MACROD2: variants seen among roughly 807,000 people sequenced by gnomAD.
MACROD2 encodes ADP-ribose glycohydrolase MACROD2.
In MACROD2, 36 loss-of-function variants were observed where a neutral mutation model predicts 70.4. The ratio of observed to expected loss-of-function variants is 0.51; its 90% CI spans 0.39 to 0.68. The LOEUF is 0.68. Among genes scored for constraint, MACROD2 ranks in the 30% least tolerant of loss-of-function variants. The pLI, the probability that MACROD2 is intolerant of heterozygous loss-of-function variation, is 0.00. For synonymous variants in MACROD2, 172 were observed against 178.8 expected (o/e 0.96, Z 0.30); for missense variants, 496 against 538.4 (o/e 0.92, Z 0.78).
At chr20:15,192,712 A>G (rs1270194918) in intron 5 of MACROD2, among the ~76,000 whole-genome samples, 1 of 152,188 alleles carries the variant, frequency 6.6e-6, no homozygotes, top group Non-Finnish European at 1.5e-5. Flanking sequence ...ATGTTGTTCC[A>G]CAGTAGATCA....
chr20:14,932,608 T>C (rs2074305812), intron 5 of MACROD2, among the ~76,000 whole-genome samples: 1 of 152,134 alleles, frequency 6.6e-6, no homozygotes, highest in Non-Finnish European at 1.5e-5. Context: ...ATCTGTTGCC[T>C]AGGCTGGAGT....
chr20:16,034,406 G>A (rs1036598153), intron 15 of MACROD2, among the ~76,000 whole-genome samples: 1 of 151,942 alleles, frequency 6.6e-6, no homozygotes, highest in Admixed American at 6.6e-5. Flanking sequence ...CAGTGAACTG[G>A]GAAGTCTAGG....
chr20:15,748,879 G>C (rs1032080309), intron 8 of MACROD2, among the ~76,000 whole-genome samples: 2 of 152,092 alleles, frequency 1.3e-5, no homozygotes, highest in African/African-American at 4.8e-5. Flanking sequence ...AGTAAGAAGA[G>C]CAGGCTTTAA....
intron 5 of MACROD2, among the ~76,000 whole-genome samples, chr20:14,801,398 T>C (rs931406093): frequency 6.6e-6 from 1 of 152,184 alleles, no homozygotes; most frequent in Non-Finnish European, 1.5e-5. Context: ...GCAGATTTTG[T>C]ATATTCATTT....
intron 5 of MACROD2, among the ~76,000 whole-genome samples, chr20:14,828,121 T>C (rs2072923290): frequency 2.0e-5 from 3 of 152,120 alleles, no homozygotes; most frequent in Admixed American, 2.0e-4. Flanking sequence ...CTTTCAGAAT[T>C]TTTTATATTC....
In MACROD2 at chr20:14,841,842, G is replaced by T. The variant is rs147081486; in HGVS notation, c.418+156883G>T. 1.2e-3 allele frequency among the ~76,000 whole-genome samples: 186 copies of T among 152,076 alleles called. 3 individuals carry two copies. Among genetic ancestry groups the T allele is most frequent in the East Asian group, 8.1e-3 (42 of 5,174 alleles). On this transcript the variant is annotated intron_variant, in intron 5 of 17. Transcript: ENST00000684519. ...CTTGGTATTACTTATACTAAGATTG[G>T]TTTTAAGACTTTTATTTTGGGTACT...
chr20:14,090,661 T>G (rs1275211828), intron 3 of MACROD2, among the ~76,000 whole-genome samples: 2 of 152,178 alleles, frequency 1.3e-5, no homozygotes, highest in African/African-American at 2.4e-5. Flanking sequence ...TCTCTAAGGT[T>G]TTATCATTTT....
intron 10 of MACROD2, chr20:15,892,931 G>T (rs1309123092): frequency 2.8e-5 from 11 of 398,678 alleles, no homozygotes; most frequent in Non-Finnish European, 4.4e-5. Flanking sequence ...TTCCAGAGGG[G>T]TTAGAGCCAA....
At chr20:15,462,514 A>G (rs936084512) in intron 7 of MACROD2, among the ~76,000 whole-genome samples, 3 of 152,242 alleles carry the variant, frequency 2.0e-5, no homozygotes, top group African/African-American at 7.2e-5. Flanking sequence ...TCTTGCTTTT[A>G]TAATTCTAAA....
intron 6 of MACROD2, among the ~76,000 whole-genome samples, chr20:15,239,994 G>A (rs758300295): frequency 3.3e-5 from 5 of 152,206 alleles, no homozygotes; most frequent in African/African-American, 7.2e-5. Flanking sequence ...GGGCCTGGCC[G>A]GTATCTCATC....
chr20:15,411,622 T>C (rs371567396), intron 6 of MACROD2, among the ~76,000 whole-genome samples: 4 of 152,352 alleles, frequency 2.6e-5, no homozygotes, highest in African/African-American at 4.8e-5. Flanking sequence ...AAGATTGGTA[T>C]TGGAATTGTC....
At chr20:15,909,965 A>G (rs1172608585) in intron 10 of MACROD2, among the ~76,000 whole-genome samples, 1 of 152,172 alleles carries the variant, frequency 6.6e-6, no homozygotes, top group African/African-American at 2.4e-5. Context: ...GGGGCTCAGG[A>G]TTTCTGAGTG....
intron 4 of MACROD2, among the ~76,000 whole-genome samples, chr20:14,630,442 G>C (rs919323573): frequency 6.6e-6 from 1 of 152,188 alleles, no homozygotes; most frequent in Admixed American, 6.5e-5. Flanking sequence ...TAAGAAGTAG[G>C]CCTCAGAGAC....
At chr20:15,824,848 G>A (rs1234303927) in intron 8 of MACROD2, among the ~76,000 whole-genome samples, 2 of 152,184 alleles carry the variant, frequency 1.3e-5, no homozygotes, top group Non-Finnish European at 2.9e-5. Context: ...ACCATGCCTG[G>A]AATAGACGCT....
intron 3 of MACROD2, among the ~76,000 whole-genome samples, chr20:14,414,302 C>T (rs538460273): frequency 2.3e-4 from 35 of 152,284 alleles, no homozygotes; most frequent in Admixed American, 8.5e-4. Context: ...CTCTTCCTGT[C>T]GTACAAGCCC....
At chr20:15,448,087 C>A (rs1392969018) in intron 7 of MACROD2, among the ~76,000 whole-genome samples, 2 of 152,130 alleles carry the variant, frequency 1.3e-5, no homozygotes, top group South Asian at 2.1e-4. Flanking sequence ...AGTTGTGGAA[C>A]TTCCATTCCT....
At chr20:15,078,897 T>A (rs2075680906) in intron 5 of MACROD2, among the ~76,000 whole-genome samples, 1 of 152,004 alleles carries the variant, frequency 6.6e-6, no homozygotes, top group Non-Finnish European at 1.5e-5. Context: ...CCACCTGGCT[T>A]AGCCTCCCAA....
chr20:14,151,730 T>C (rs991719879), intron 3 of MACROD2, among the ~76,000 whole-genome samples: 1 of 149,928 alleles, frequency 6.7e-6, no homozygotes, highest in Admixed American at 6.7e-5. Context: ...GATTCCAGGA[T>C]AAAAAAATTA....
intron 8 of MACROD2, among the ~76,000 whole-genome samples, chr20:15,697,528 G>T (rs950403997): frequency 6.6e-6 from 1 of 152,112 alleles, no homozygotes; most frequent in Non-Finnish European, 1.5e-5. Context: ...TGTGTATTCT[G>T]TGCTTGTTGG....
Sources: allele counts gnomAD v4.1 joint callset (sites outside exome capture counted in the v4.1 genomes callset), GRCh38; gene constraint gnomAD v4.1.1; transcripts MANE v1.5; gene names NCBI Gene and HGNC (gene_info 2026-07-23, HGNC 2026-07-21).